Variants in CNIH3 observed in about 807,000 individuals in gnomAD.
CNIH3 encodes the protein cornichon family AMPA receptor auxiliary protein 3.
In CNIH3, 14 loss-of-function variants were observed where a neutral mutation model predicts 24.1. That is an observed-to-expected ratio of 0.58 (90% CI 0.38 to 0.91). CNIH3 has a LOEUF of 0.91. CNIH3 is among the 40% of genes least tolerant of loss of function. The pLI is 0.00. For synonymous variants in CNIH3, 68 were observed against 73.8 expected (o/e 0.92, Z 0.40); for missense variants, 178 against 196.8 (o/e 0.90, Z 0.57).
At chr1:224,459,686 G>A (rs116184347) in intron 1 of CNIH3, among the ~76,000 whole-genome samples, 2,166 of 152,106 alleles carry the variant, frequency 0.014, 55 homozygotes, top group African/African-American at 0.048. Flanking sequence ...TAAATATGGG[G>A]GTAGCGATGT....
At chr1:224,514,385 A>T (rs1055833860), upstream of CNIH3, among the ~76,000 whole-genome samples, 1 of 152,184 alleles carries the variant, frequency 6.6e-6, no homozygotes, top group Non-Finnish European at 1.5e-5. Flanking sequence ...TCCAGCCCCC[A>T]GTTTTTGACA....
chr1:224,713,022 C>G (rs1205932199), intron 3 of CNIH3, among the ~76,000 whole-genome samples: 1 of 152,156 alleles, frequency 6.6e-6, no homozygotes, highest in Admixed American at 6.5e-5. Flanking sequence ...ATTAAATAAT[C>G]TCAATTAATT....
chr1:224,570,088 A>G lies in CNIH3; in HGVS notation n.516+3824A>G, dbSNP rs1572497631. Among the ~76,000 whole-genome samples, 4 of 152,212 alleles carry G rather than the reference A, an allele frequency of 2.6e-5. No individual in the cohort carries two copies. The East Asian group carries it at 7.7e-4, about 29-fold the overall frequency. Reference sequence around the variant, plus strand: ...CTTGAGCCACTGCACCCGGCAAAGCATATTTTCATATGGATATGGATACTT... The same window carrying G: ...CTTGAGCCACTGCACCCGGCAAAGCGTATTTTCATATGGATATGGATACTT... On this transcript the variant is annotated intron_variant and non_coding_transcript_variant, in intron 4 of 5. Transcript: ENST00000471578.
chr1:224,508,506 C>A (rs928372091), intron 1 of CNIH3, among the ~76,000 whole-genome samples: 1 of 152,182 alleles, frequency 6.6e-6, no homozygotes, highest in African/African-American at 2.4e-5. Context: ...ATTAGTTATA[C>A]CCTGTGCAGG....
At chr1:224,527,196 C>A (rs974961669) in intron 2 of CNIH3, among the ~76,000 whole-genome samples, 8 of 152,056 alleles carry the variant, frequency 5.3e-5, no homozygotes, top group African/African-American at 1.9e-4. Flanking sequence ...TGAAGATGAA[C>A]CCTGCACAGA....
intron 1 of CNIH3, chr1:224,515,958 C>T (rs1678362895): frequency 6.6e-6 from 1 of 152,092 alleles, no homozygotes; most frequent in Non-Finnish European, 1.5e-5. Context: ...AATACATGAA[C>T]ATTTTAGTAT....
chr1:224,575,112 G>A, intron 4 of CNIH3: 1 of 897,076 alleles, frequency 1.1e-6, no homozygotes, highest in South Asian at 1.3e-5. Context: ...CAAGCCTGAG[G>A]ACCCTTCCCT....
chr1:224,478,130 T>C (rs1190688016), intron 1 of CNIH3, among the ~76,000 whole-genome samples: 2 of 152,210 alleles, frequency 1.3e-5, no homozygotes, highest in Non-Finnish European at 2.9e-5. Flanking sequence ...TTAAATGCCT[T>C]GATGTAGTCT....
intron 1 of CNIH3, among the ~76,000 whole-genome samples, chr1:224,500,015 T>C (rs1197215247): frequency 6.6e-6 from 1 of 152,044 alleles, no homozygotes; most frequent in Non-Finnish European, 1.5e-5. Flanking sequence ...TTTTCTTTTT[T>C]CTTTTTGAGA....
chr1:224,579,549 T>C (rs1277595246), intron 4 of CNIH3, among the ~76,000 whole-genome samples: 1 of 152,228 alleles, frequency 6.6e-6, no homozygotes, highest in Non-Finnish European at 1.5e-5. Context: ...GTCTAGGGAC[T>C]GAGTGTACTA....
chr1:224,459,185 T>G (rs1023844562), intron 1 of CNIH3: 14 of 892,636 alleles, frequency 1.6e-5, no homozygotes, highest in African/African-American at 2.0e-5. Context: ...CTTTCTTCCT[T>G]CTACTGCTTA....
At chr1:224,466,072 T>A (rs992965797) in intron 1 of CNIH3, among the ~76,000 whole-genome samples, 3 of 152,122 alleles carry the variant, frequency 2.0e-5, no homozygotes, top group East Asian at 3.9e-4. Flanking sequence ...GAAATTGGCA[T>A]TAGTACAATC....
chr1:224,434,769 G>T, exon 1 of CNIH3: 6 of 986,452 alleles, frequency 6.1e-6, no homozygotes, highest in African/African-American at 1.7e-5. Context: ...TCCCTGGTGT[G>T]TTGATTCTTC....
intron 1 of CNIH3, among the ~76,000 whole-genome samples, chr1:224,667,544 C>CTA (rs1685653171): frequency 6.6e-6 from 1 of 152,150 alleles, no homozygotes; most frequent in South Asian, 2.1e-4. Flanking sequence ...ACCCCAAAGG[C>CTA]TAACGCTTTA....
rs200359928 is a variant in CNIH3, at chr1:224,587,944, TA to T, written n.621-406del. Among the ~76,000 whole-genome samples the T allele has an allele frequency of 1.9e-3, 276 of 145,814 alleles. 1 individual carries two copies. Among genetic ancestry groups the T allele is most frequent in the African/African-American group, 5.1e-3 (204 of 39,682 alleles). On this transcript the variant is annotated intron_variant and non_coding_transcript_variant, in intron 5 of 5. Transcript: ENST00000471578. ...TGACAGAGTGAGACCCTGTTTCCAT[TA>T]AAAAAAAAAACAAAACAAAACCTAA...
chr1:224,678,341 A>C (rs938771598), intron 1 of CNIH3, among the ~76,000 whole-genome samples: 1 of 152,242 alleles, frequency 6.6e-6, no homozygotes, highest in South Asian at 2.1e-4. Context: ...CAAAAAAGCT[A>C]ATGCAATCAG....
At chr1:224,679,305 A>G (rs1053185845) in intron 1 of CNIH3, among the ~76,000 whole-genome samples, 1 of 152,284 alleles carries the variant, frequency 6.6e-6, no homozygotes, top group African/African-American at 2.4e-5. Context: ...TCACCACTGC[A>G]TTCCAGCCTG....
intron 3 of CNIH3, among the ~76,000 whole-genome samples, chr1:224,729,412 CAA>C (rs1184318000): frequency 2.9e-4 from 13 of 44,594 alleles, no homozygotes; most frequent in African/African-American, 1.1e-3. Context: ...ACTATGTCTC[CAA>C]AAAAAAAAAA....
At chr1:224,506,876 T>C (rs1407137459) in intron 1 of CNIH3, among the ~76,000 whole-genome samples, 1 of 152,094 alleles carries the variant, frequency 6.6e-6, no homozygotes, top group Non-Finnish European at 1.5e-5. Flanking sequence ...ACCAATTCTT[T>C]TTTTTTTTGA....
Sources: allele counts gnomAD v4.1 joint callset (sites outside exome capture counted in the v4.1 genomes callset), GRCh38; gene constraint gnomAD v4.1.1; transcripts MANE v1.5; gene names NCBI Gene and HGNC (gene_info 2026-07-23, HGNC 2026-07-21).